Variants in MARCHF5 observed in about 807,000 individuals in gnomAD.
The protein encoded by MARCHF5 is membrane associated ring-CH-type finger 5.
In MARCHF5, 5 loss-of-function variants were observed where a neutral mutation model predicts 36.5. That is an observed-to-expected ratio of 0.14 (90% confidence interval 0.07 to 0.29). The LOEUF is 0.29. Ranked by LOEUF, MARCHF5 falls within the 10% of genes least tolerant of loss-of-function variation. The pLI is 1.00. For missense variants in MARCHF5, 179 were observed against 336.3 expected (o/e 0.53, Z 3.66); for synonymous variants, 103 against 109.9 (o/e 0.94, Z 0.39).
chr10:92,332,736 G>A (rs556315041), intron 2 of MARCHF5, among the ~76,000 whole-genome samples: 1 of 151,660 alleles, frequency 6.6e-6, no homozygotes, highest in Non-Finnish European at 1.5e-5. Context: ...GGCCAGGATG[G>A]TCTCAATCTC....
chr10:92,292,794 T>G (rs1842899888), intron 1 of MARCHF5, among the ~76,000 whole-genome samples: 1 of 152,232 alleles, frequency 6.6e-6, no homozygotes, highest in Admixed American at 6.5e-5. Flanking sequence ...AACTTACTAT[T>G]GTTTATCTTG....
rs749938052 is a variant in MARCHF5, at chr10:92,340,746, A to G, written c.312A>G (p.Ile104Met). 1 of 1,613,898 alleles carries G rather than the reference A, an allele frequency of 6.2e-7. No homozygotes were observed. The highest frequency in any genetic ancestry group is 1.7e-5 in the Admixed American group (1 of 59,988). The change falls in exon 3 of 6, where the codon ATA (isoleucine) becomes ATG (methionine). Residue 104 changes from isoleucine (I) to methionine (M), a missense_variant. By Grantham distance (10) the Ile-to-Met change is conservative. This residue lies in a region of MARCHF5 where 66 missense variants were observed against 180.5 expected (regional missense o/e 0.37). Transcript: ENST00000358935. Reference protein sequence around the residue: ...SKACPFAAAGIMVGSIYWTAV... With the variant: ...SKACPFAAAGMMVGSIYWTAV... ...CCTGTCCATTTGCTGCAGCAGGAAT[A>G]ATGGTCGGCTCTATCTATTGGACAG...
At chr10:92,294,758 C>G (rs1361749166) in intron 1 of MARCHF5, among the ~76,000 whole-genome samples, 1 of 152,158 alleles carries the variant, frequency 6.6e-6, no homozygotes, top group African/African-American at 2.4e-5. Context: ...TTTATTTAGG[C>G]CAGGCACAGT....
chr10:92,330,736 T>C (rs922647707), intron 2 of MARCHF5, among the ~76,000 whole-genome samples: 1 of 152,232 alleles, frequency 6.6e-6, no homozygotes, highest in Non-Finnish European at 1.5e-5. Flanking sequence ...AGATCGTTAC[T>C]ACGTAACATT....
At chr10:92,349,624 A>G (rs776582700) in intron 4 of MARCHF5, 47 bp from the exon 5 acceptor site, 2 of 1,601,888 alleles carry the variant, frequency 1.2e-6, no homozygotes, top group South Asian at 2.2e-5. Context: ...AGGTAGTCTA[A>G]CTCTTCTGAT....
At chr10:92,318,256 A>G (rs568322316) in intron 2 of MARCHF5, among the ~76,000 whole-genome samples, 75 of 150,868 alleles carry the variant, frequency 5.0e-4, no homozygotes, top group African/African-American at 1.8e-3. Flanking sequence ...GCAAAACTCC[A>G]TCTCTACTAA....
At chr10:92,339,928 T>C (rs1374424679) in intron 2 of MARCHF5, among the ~76,000 whole-genome samples, 1 of 152,142 alleles carries the variant, frequency 6.6e-6, no homozygotes, top group African/African-American at 2.4e-5. Context: ...AAAACTGGCT[T>C]CATAATCATA....
At chr10:92,327,485 G>A (rs1383672158) in intron 2 of MARCHF5, among the ~76,000 whole-genome samples, 1 of 152,098 alleles carries the variant, frequency 6.6e-6, no homozygotes, top group Non-Finnish European at 1.5e-5. Flanking sequence ...ACTTTGGGAA[G>A]TAATTTTATG....
chr10:92,308,475 A>G (rs1434980973), intron 1 of MARCHF5: 3 of 152,208 alleles, frequency 2.0e-5, no homozygotes, highest in Non-Finnish European at 4.4e-5. Flanking sequence ...GAATGCCTTA[A>G]CCATCTGGGA....
chr10:92,333,559 A>T (rs1219534985), intron 2 of MARCHF5: 1 of 677,966 alleles, frequency 1.5e-6, no homozygotes, highest in Admixed American at 6.3e-5. Context: ...GACATAAAGG[A>T]TATTGAGACA....
intron 1 of MARCHF5, among the ~76,000 whole-genome samples, chr10:92,295,482 G>A (rs1590642077): frequency 1.4e-5 from 2 of 146,700 alleles, no homozygotes; most frequent in South Asian, 2.2e-4. Flanking sequence ...ATCTTGGCTC[G>A]CTGCAAACTG....
chr10:92,341,103 G>A (rs149676204), intron 3 of MARCHF5, among the ~76,000 whole-genome samples: 3,056 of 152,278 alleles, frequency 0.02, 63 homozygotes, highest in Non-Finnish European at 0.033. Context: ...TAGACGTTTA[G>A]TTAGTCCAAT....
chr10:92,292,018 C>G lies in MARCHF5; in HGVS notation c.35+489C>G, dbSNP rs577714203. Among the ~76,000 whole-genome samples the G allele has an allele frequency of 2.0e-3, 297 of 151,410 alleles. 3 individuals are homozygous for G. The highest frequency in any genetic ancestry group is 7.1e-3 in the African/African-American group (292 of 41,240). ...TCCCACTTTCCCTGAACCCGCACCC[C>G]CCGTCCCCCCCGCCCCATCCCGTCC... On this transcript the variant is annotated intron_variant, in intron 1 of 5. Coordinates refer to ENST00000358935, the MANE Select transcript of MARCHF5 (RefSeq NM_017824.5).
At chr10:92,344,328 A>G (rs752557746) in intron 3 of MARCHF5, among the ~76,000 whole-genome samples, 9 of 152,216 alleles carry the variant, frequency 5.9e-5, no homozygotes, top group Non-Finnish European at 1.2e-4. Flanking sequence ...GTGAAAGATA[A>G]TTTGATTTGA....
intron 3 of MARCHF5, among the ~76,000 whole-genome samples, chr10:92,347,918 C>T (rs1034084106): frequency 5.3e-5 from 8 of 152,222 alleles, no homozygotes; most frequent in African/African-American, 1.9e-4. Context: ...CGCAGTGGCT[C>T]ACGCCTGTAA....
chr10:92,338,343 A>G (rs1843530080), intron 2 of MARCHF5, among the ~76,000 whole-genome samples: 1 of 152,220 alleles, frequency 6.6e-6, no homozygotes, highest in Non-Finnish European at 1.5e-5. Flanking sequence ...AACTTAACCC[A>G]GCAAATTTGT....
At chr10:92,310,444 T>G (rs1271826496) in intron 1 of MARCHF5, among the ~76,000 whole-genome samples, 1 of 152,158 alleles carries the variant, frequency 6.6e-6, no homozygotes, top group Non-Finnish European at 1.5e-5. Context: ...GTTTTAAAAT[T>G]ACCGATCTCA....
Position 92,314,741 on chromosome 10 carries a change from TC to T in MARCHF5, c.238+3410del, listed in dbSNP as rs765246639. Among the ~76,000 whole-genome samples, 45 of 10,648 alleles carry T rather than the reference TC, an allele frequency of 4.2e-3. 2 individuals carry two copies. Among genetic ancestry groups the T allele is most frequent in the Non-Finnish European group, 9.5e-3 (25 of 2,634 alleles). The allele number at this position is 10,648 out of a possible 152,430, so 7.0% of individuals were successfully genotyped here. ...AAACAGAGTATTTGCTGCTGCTGCT[TC>T]CCCCCGCCCCCCCCCGCCAATAGAG... On this transcript the variant is annotated intron_variant, in intron 2 of 5. Transcript: ENST00000358935.
intron 1 of MARCHF5, among the ~76,000 whole-genome samples, chr10:92,303,520 A>G (rs565309031): frequency 1.3e-5 from 2 of 152,126 alleles, no homozygotes; most frequent in African/African-American, 4.8e-5. Flanking sequence ...AATGCTTGGT[A>G]TAGTGGTTTT....
Sources: allele counts gnomAD v4.1 joint callset (sites outside exome capture counted in the v4.1 genomes callset), GRCh38; gene constraint gnomAD v4.1.1; regional missense constraint gnomAD v4.1.1; transcripts MANE v1.5; gene names NCBI Gene and HGNC (gene_info 2026-07-23, HGNC 2026-07-21).